The following FOXN2 variants were observed in gnomAD, a reference collection of about 807,000 sequenced individuals.
FOXN2 encodes the protein forkhead box protein N2.
In FOXN2, 19 loss-of-function variants were observed where a neutral mutation model predicts 41.2. That is an observed-to-expected ratio of 0.46 (90% confidence interval 0.32 to 0.68). The LOEUF (loss-of-function observed/expected upper bound fraction) is 0.68, where lower values mean the gene tolerates loss of function less well. Ranked by LOEUF, FOXN2 falls within the 30% of genes least tolerant of loss-of-function variation. The pLI is 0.03. For synonymous variants in FOXN2, 195 were observed against 176.8 expected (o/e 1.10, Z -0.82); for missense variants, 587 against 509.4 (o/e 1.15, Z -1.47).
intron 2 of FOXN2, among the ~76,000 whole-genome samples, chr2:48,335,454 T>A (rs1000393676): frequency 6.6e-6 from 1 of 151,072 alleles, no homozygotes; most frequent in Admixed American, 6.6e-5. Flanking sequence ...AAAGACAGAT[T>A]ACCTCCAAAG....
intron 2 of FOXN2, among the ~76,000 whole-genome samples, chr2:48,334,665 A>G (rs1004947537): frequency 1.3e-5 from 2 of 152,170 alleles, no homozygotes; most frequent in East Asian, 3.8e-4. Flanking sequence ...CTTTGAGGAT[A>G]TTTGCCAAAT....
intron 2 of FOXN2, among the ~76,000 whole-genome samples, chr2:48,343,267 GTT>G (rs1670887615): frequency 9.2e-5 from 14 of 151,646 alleles, no homozygotes; most frequent in Admixed American, 8.5e-4. Context: ...TTTTTTTATT[GTT>G]ACCATTTAGG....
At chr2:48,320,536 C>T (rs549185238) in intron 1 of FOXN2, among the ~76,000 whole-genome samples, 17 of 152,132 alleles carry the variant, frequency 1.1e-4, no homozygotes, top group African/African-American at 3.9e-4. Flanking sequence ...GTGATCTGCC[C>T]ACCTCGGCCT....
chr2:48,338,347 A>G (rs939376521), intron 2 of FOXN2, among the ~76,000 whole-genome samples: 33 of 152,060 alleles, frequency 2.2e-4, no homozygotes, highest in Admixed American at 2.2e-3. Context: ...GAGAGTGTGC[A>G]GGGATGCTAA....
chr2:48,335,988 A>G (rs1670318348), intron 2 of FOXN2, among the ~76,000 whole-genome samples: 1 of 151,542 alleles, frequency 6.6e-6, no homozygotes, highest in African/African-American at 2.4e-5. Flanking sequence ...ACATCGCACC[A>G]CCGCACTCCA....
In FOXN2 at chr2:48,378,120, G is replaced by T. The variant is rs373155249; in HGVS notation, c.*2677G>T. ...TAATAGATCCCTAGTAAAAAGCTTT[G>T]ATTCAACACAATTGTTCATCTTCAC... On this transcript the variant is annotated 3_prime_UTR_variant, in exon 7 of 7. Coordinates refer to ENST00000340553, the MANE Select transcript of FOXN2 (RefSeq NM_002158.4). 1.3e-5 allele frequency: 2 copies of T among 152,470 alleles called. No individual in the cohort carries two copies. Among genetic ancestry groups the T allele is most frequent in the Admixed American group, 1.3e-4 (2 of 15,274 alleles). The allele number at this position is 152,470 out of a possible 1,614,324, so 9.4% of individuals were successfully genotyped here.
At chr2:48,365,716 T>C (rs996190036) in intron 5 of FOXN2, among the ~76,000 whole-genome samples, 2 of 152,224 alleles carry the variant, frequency 1.3e-5, no homozygotes, top group Admixed American at 1.3e-4. Flanking sequence ...CCTGTTCCTC[T>C]AGTAATAATT....
intron 3 of FOXN2, among the ~76,000 whole-genome samples, chr2:48,348,345 C>A (rs1010750255): frequency 1.3e-5 from 2 of 152,062 alleles, no homozygotes; most frequent in African/African-American, 4.8e-5. Context: ...AGGACTTCTT[C>A]ATGTTTTTAA....
chr2:48,341,740 G>C (rs1471499947), intron 2 of FOXN2, among the ~76,000 whole-genome samples: 1 of 152,212 alleles, frequency 6.6e-6, no homozygotes, highest in African/African-American at 2.4e-5. Flanking sequence ...TGTCTTTTCA[G>C]CAGCTTGCTG....
chr2:48,376,598 A>T lies in FOXN2; in HGVS notation c.*1155A>T, dbSNP rs547460152. On this transcript the variant is annotated 3_prime_UTR_variant, in exon 7 of 7. Transcript: ENST00000340553. ...TTTTGAGGAGGCAGTGTAACAACCT[A>T]TAGTGCCATTGATCCATGAGAAAAA... 1.3e-5 allele frequency: 2 copies of T among 152,516 alleles called. No homozygotes were observed. The highest frequency in any genetic ancestry group is 2.9e-5 in the Non-Finnish European group (2 of 67,932). The allele number at this position is 152,516 out of a possible 1,614,324, so 9.4% of individuals were successfully genotyped here.
chr2:48,321,295 G>A (rs2104087938), intron 1 of FOXN2, among the ~76,000 whole-genome samples: 1 of 152,234 alleles, frequency 6.6e-6, no homozygotes, highest in Middle Eastern at 3.4e-3. Flanking sequence ...CAGCACTTTG[G>A]GAGGCCAGGG....
chr2:48,346,706 G>A lies in FOXN2; in HGVS notation c.492G>A (p.Leu164=), dbSNP rs1322189630. The A allele has an allele frequency of 6.2e-7, 1 of 1,603,780 alleles. No individual in the cohort carries two copies. Among genetic ancestry groups the A allele is most frequent in the Non-Finnish European group, 8.5e-7 (1 of 1,177,158 alleles). The part of the protein sequence containing the change: ...TGWKNSVRHN[L]SLNKCFQKVE... ...GGAAGAATTCTGTTCGACATAATCT[G>A]TCCCTGAATAAATGTTTTCAGAAAG... The change falls in exon 3 of 7, where the codon CTG becomes CTA. Residue 164 remains leucine (L), a synonymous_variant. Coordinates refer to ENST00000340553, the MANE Select transcript of FOXN2 (RefSeq NM_002158.4).
intron 3 of FOXN2, 121 bp from the exon 4 acceptor site, chr2:48,358,926 C>A: frequency 1.4e-6 from 1 of 693,778 alleles, no homozygotes; most frequent in South Asian, 1.9e-5. Flanking sequence ...CTCACTTCAA[C>A]CTTAGTTTCA....
In FOXN2 at chr2:48,324,801, TTAACA is replaced by T. The variant is rs1265543115; in HGVS notation, c.-156-3756_-156-3752del. Among the ~76,000 whole-genome samples, 3 of 150,710 alleles carry T rather than the reference TTAACA, an allele frequency of 2.0e-5. No homozygotes were observed. The East Asian group carries it at 5.8e-4, about 29-fold the overall frequency. Reference sequence around the variant, plus strand: ...CATGTCTATTGTTTATTTTGGTCTCTTAACATAAATAACTACAGTAAAAAAGAGGA... The same window carrying T: ...CATGTCTATTGTTTATTTTGGTCTCTTAAATAACTACAGTAAAAAAGAGGA... On this transcript the variant is annotated intron_variant, in intron 1 of 6. Transcript: ENST00000340553.
chr2:48,352,053 G>GTGCTTCAGTTGTTT (rs1348324333), intron 3 of FOXN2, among the ~76,000 whole-genome samples: 2 of 152,256 alleles, frequency 1.3e-5, no homozygotes, highest in East Asian at 3.9e-4. Flanking sequence ...CTTCAGTTTT[G>GTGCTTCAGTTGTTT]GGCTTCAGTT....
chr2:48,334,263 G>A (rs1670196297), intron 2 of FOXN2, among the ~76,000 whole-genome samples: 1 of 152,118 alleles, frequency 6.6e-6, no homozygotes, highest in Non-Finnish European at 1.5e-5. Context: ...AGCACAAAAT[G>A]AAAATTTGCA....
At chr2:48,362,554 CAGAGTGAGAG>C in intron 4 of FOXN2, 79 bp from the exon 5 acceptor site, 1 of 1,129,012 alleles carries the variant, frequency 8.9e-7, no homozygotes. Flanking sequence ...GGGCGGCCAG[CAGAGTGAGAG>C]AGAACCTGTC....
chr2:48,332,353 T>C (rs758210303), intron 2 of FOXN2, among the ~76,000 whole-genome samples: 2 of 152,202 alleles, frequency 1.3e-5, no homozygotes, highest in South Asian at 2.1e-4. Context: ...TAAAGTACTT[T>C]TGGATTAAAC....
At chr2:48,354,134 A>G in intron 3 of FOXN2, among the ~76,000 whole-genome samples, 1 of 152,218 alleles carries the variant, frequency 6.6e-6, no homozygotes, top group East Asian at 1.9e-4. Flanking sequence ...ATTTATCAGC[A>G]TTGCTTCTGA....
Sources: gnomAD v4.1 joint callset for allele counts (sites outside exome capture counted in the v4.1 genomes callset) on GRCh38, gnomAD v4.1.1 for gene constraint, MANE v1.5 for transcripts, NCBI Gene and HGNC (gene_info 2026-07-23, HGNC 2026-07-21) for gene names.